Variants in ACTR2 observed in about 807,000 individuals in gnomAD.
The protein encoded by ACTR2 is actin-related protein 2.
ACTR2 carries 5 observed loss-of-function variants against 50.2 expected under a neutral mutation model. That is an observed-to-expected ratio of 0.10 (90% CI 0.05 to 0.21). The LOEUF is 0.21. Among genes scored for constraint, ACTR2 ranks in the 10% least tolerant of loss-of-function variants. ACTR2 has a pLI of 1.00. For synonymous variants in ACTR2, 140 were observed against 162.9 expected, an observed-to-expected ratio of 0.86 and a Z score of 1.07; for missense variants, 180 against 480.6, an observed-to-expected ratio of 0.37 and a Z score of 5.85.
At chr2:65,236,570 GGTTTTGTTTT>G (rs781663735) in intron 1 of ACTR2, among the ~76,000 whole-genome samples, 1 of 151,572 alleles carries the variant, frequency 6.6e-6, no homozygotes, top group African/African-American at 2.4e-5. Context: ...TGTTTTTTTG[GGTTTTGTTTT>G]GTTTTGTTTT....
chr2:65,251,206 A>G, intron 4 of ACTR2, 107 bp downstream of exon 4: 1 of 603,762 alleles, frequency 1.7e-6, no homozygotes, highest in Non-Finnish European at 2.8e-6. Context: ...CCAGAAAACT[A>G]CATTATTTAT....
Position 65,233,379 on chromosome 2 carries a change from G to A in ACTR2, c.48+5422G>A, listed in dbSNP as rs115947813. On this transcript the variant is annotated intron_variant, in intron 1 of 8. Coordinates refer to ENST00000260641, the MANE Select transcript of ACTR2 (RefSeq NM_005722.4). ...TATATTATTGAAAAATTGGGGCCAG[G>A]CACAGTGGTTGATGCCTATAATCCC... 8.3e-3 allele frequency among the ~76,000 whole-genome samples: 1,263 copies of A among 151,838 alleles called. 17 individuals are homozygous for A. The highest frequency in any genetic ancestry group is 0.017 in the Middle Eastern group (5 of 290).
rs868552664 is a variant in ACTR2, at chr2:65,269,523, A to G, written c.*789A>G. The G allele has an allele frequency of 3.0e-4, 45 of 152,290 alleles. No homozygotes were observed. The highest frequency in any genetic ancestry group is 3.3e-4 in the Admixed American group (5 of 15,286). 9.4% of individuals were successfully genotyped at this position (152,290 alleles called of 1,614,324 possible). ...ATTTATTTGTTTTTTAAAATCAACC[A>G]TGTTAGCTGGGATTAGACTCCCTAC... On this transcript the variant is annotated 3_prime_UTR_variant, in exon 9 of 9. Transcript: ENST00000260641.
chr2:65,251,195 C>A (rs1672042685), intron 4 of ACTR2, 96 bp downstream of exon 4: 2 of 712,024 alleles, frequency 2.8e-6, no homozygotes, highest in Non-Finnish European at 4.6e-6. Context: ...AGTTATAAGC[C>A]CCAGAAAACT....
At chr2:65,227,997 C>G in intron 1 of ACTR2, 40 bp downstream of exon 1, 2 of 1,476,684 alleles carry the variant, frequency 1.4e-6, no homozygotes, top group Non-Finnish European at 1.8e-6. Flanking sequence ...CCACAGACGC[C>G]GGCGGGGACG....
chr2:65,262,066 G>T (rs546526875), intron 7 of ACTR2, among the ~76,000 whole-genome samples: 1 of 152,156 alleles, frequency 6.6e-6, no homozygotes, highest in East Asian at 1.9e-4. Flanking sequence ...TTTATTAATT[G>T]GGTTATTTGC....
chr2:65,241,029 G>A lies in ACTR2; in HGVS notation c.159+1067G>A, dbSNP rs763959081. Reference sequence around the variant, plus strand: ...TTTTTTTTTTCAGAGTTAAAGTAGCGAATTTTTCTGGCCTCTCCTGTTAAC... The same window carrying A: ...TTTTTTTTTTCAGAGTTAAAGTAGCAAATTTTTCTGGCCTCTCCTGTTAAC... On this transcript the variant is annotated intron_variant, in intron 2 of 8. Transcript: ENST00000260641. Among the ~76,000 whole-genome samples the A allele has an allele frequency of 7.3e-5, 11 of 151,288 alleles. No homozygotes were observed. The South Asian group carries it at 8.3e-4, about 11-fold the overall frequency.
At chr2:65,247,486 G>A (rs931557754) in intron 3 of ACTR2, among the ~76,000 whole-genome samples, 1 of 152,198 alleles carries the variant, frequency 6.6e-6, no homozygotes, top group Admixed American at 6.5e-5. Flanking sequence ...TACTCAGGAG[G>A]CTGAGGCAGG....
chr2:65,229,472 G>T (rs763377805), intron 1 of ACTR2, among the ~76,000 whole-genome samples: 1 of 151,772 alleles, frequency 6.6e-6, no homozygotes, highest in Non-Finnish European at 1.5e-5. Context: ...AACGTACATT[G>T]AGGCCAGGCG....
Position 65,227,840 on chromosome 2 carries a change from A to G in ACTR2, c.-70A>G. 2 of 1,474,492 alleles carry G rather than the reference A, an allele frequency of 1.4e-6. No individual in the cohort carries two copies. Among genetic ancestry groups the G allele is most frequent in the South Asian group, 2.6e-5 (2 of 77,900 alleles). 91.3% of individuals were successfully genotyped at this position (1,474,492 alleles called of 1,614,324 possible). A position where few individuals can be genotyped will look rare whatever the true frequency, so the allele number is the denominator to read the frequency against. Reference sequence around the variant, plus strand: ...GAGGGGCCGGGAAGACGCAAGAGGAAGAAGAGAAAACGGCCGGGCGGCGGT... The same window carrying G: ...GAGGGGCCGGGAAGACGCAAGAGGAGGAAGAGAAAACGGCCGGGCGGCGGT... On this transcript the variant is annotated 5_prime_UTR_variant, in exon 1 of 9. Transcript: ENST00000260641.
At chr2:65,258,020 T>C (rs1672184602) in intron 6 of ACTR2, among the ~76,000 whole-genome samples, 1 of 152,230 alleles carries the variant, frequency 6.6e-6, no homozygotes, top group Non-Finnish European at 1.5e-5. Context: ...TCTTTGCCCA[T>C]GCCTATGTCC....
chr2:65,258,079 C>T (rs1426339661), intron 6 of ACTR2, among the ~76,000 whole-genome samples: 1 of 152,168 alleles, frequency 6.6e-6, no homozygotes, highest in Non-Finnish European at 1.5e-5. Flanking sequence ...CATTTTGTAA[C>T]TTAATCATCT....
At chr2:65,258,181 G>A (rs115993779) in intron 6 of ACTR2, among the ~76,000 whole-genome samples, 1,526 of 152,260 alleles carry the variant, frequency 0.01, 30 homozygotes, top group African/African-American at 0.035. Context: ...TTGGAAGAAA[G>A]TGGCTGGCAC....
chr2:65,260,291 T>C (rs894939405), intron 6 of ACTR2, among the ~76,000 whole-genome samples: 3 of 152,252 alleles, frequency 2.0e-5, no homozygotes, highest in African/African-American at 7.2e-5. Flanking sequence ...GCAGATCACC[T>C]GAGGCCAGGA....
intron 8 of ACTR2, 58 bp from the exon 9 acceptor site, chr2:65,268,506 A>G: frequency 6.7e-7 from 1 of 1,490,858 alleles, no homozygotes; most frequent in Non-Finnish European, 9.1e-7. Flanking sequence ...AGCCATTTTC[A>G]TAAAGCAGAA....
intron 8 of ACTR2, among the ~76,000 whole-genome samples, chr2:65,265,624 G>A (rs1299792955): frequency 6.6e-6 from 1 of 152,152 alleles, no homozygotes; most frequent in Non-Finnish European, 1.5e-5. Flanking sequence ...AAAACATCAT[G>A]TCTCAAAATT....
Position 65,267,862 on chromosome 2 carries a change from C to CTTTTTTTTTTTTTTTTTTTTTTT in ACTR2, c.1015-696_1015-674dup, listed in dbSNP as rs70943640. Among the ~76,000 whole-genome samples, 21 of 47,412 alleles carry CTTTTTTTTTTTTTTTTTTTTTTT rather than the reference C, an allele frequency of 4.4e-4. 2 individuals are homozygous for CTTTTTTTTTTTTTTTTTTTTTTT. The highest frequency in any genetic ancestry group is 6.1e-4 in the Non-Finnish European group (16 of 26,196). The allele number at this position is 47,412 out of a possible 152,430, so 31.1% of individuals were successfully genotyped here. On this transcript the variant is annotated intron_variant, in intron 8 of 8. Transcript: ENST00000260641. ...ACCTTGAAGAAGTCATGCAAGTCCT[C>CTTTTTTTTTTTTTTTTTTTTTTT]TTTTTTTTTTTTTTTTTTTTTTTTT... is the stretch of plus-strand genomic sequence containing the variant.
chr2:65,233,605 ATTATT>A (rs901374390), intron 1 of ACTR2, among the ~76,000 whole-genome samples: 1 of 151,056 alleles, frequency 6.6e-6, no homozygotes, highest in African/African-American at 2.4e-5. Context: ...TTTTTTTTTA[ATTATT>A]TTATTTTATT....
At position 65,265,158 on chromosome 2, in the gene ACTR2, G is replaced by A; in HGVS notation, c.997G>A (p.Asp333Asn). 6.2e-7 allele frequency: 1 copy of A among 1,614,206 alleles called. No individual in the cohort carries two copies. Among genetic ancestry groups the A allele is most frequent in the Non-Finnish European group, 8.5e-7 (1 of 1,180,034 alleles). Residue 333 changes from aspartate (D) to asparagine (N), a missense_variant, in exon 8 of 9, where the codon GAT (aspartate) becomes AAT (asparagine). Physicochemically the swap from Asp to Asn is conservative, Grantham distance 23 (BLOSUM62 1). Coordinates refer to ENST00000260641, the MANE Select transcript of ACTR2 (RefSeq NM_005722.4). The part of the protein sequence containing the change: ...QLYLERVLKG[D>N]VEKLSKFKIR... ...TTACTTAGAACGAGTTTTGAAGGGT[G>A]ATGTGGAAAAACTTTCTGTAAGTAT...
Sources: allele counts gnomAD v4.1 joint callset (sites outside exome capture counted in the v4.1 genomes callset), GRCh38; gene constraint gnomAD v4.1.1; transcripts MANE v1.5; gene names NCBI Gene and HGNC (gene_info 2026-07-23, HGNC 2026-07-21).